The following AGAP1 variants were observed in gnomAD, a reference collection of about 807,000 sequenced individuals.
AGAP1 encodes arf-GAP with GTPase, ANK repeat and PH domain-containing protein 1.
A neutral mutation model predicts 105.3 loss-of-function variants in AGAP1; 29 were observed. The ratio of observed to expected loss-of-function variants is 0.28; its 90% CI spans 0.21 to 0.38. The LOEUF is 0.38. Ranked by LOEUF, AGAP1 falls within the 10% of genes least tolerant of loss-of-function variation. AGAP1 has a pLI of 1.00. For synonymous variants in AGAP1, 509 were observed against 485.9 expected (o/e 1.05, Z -0.63); for missense variants, 998 against 1,165.1 (o/e 0.86, Z 2.09).
rs1476373232 is a variant in AGAP1 at position 235,556,176 on chromosome 2, C to G, written c.163+61327C>G. On this transcript the variant is annotated intron_variant, in intron 1 of 17. Transcript: ENST00000304032. The surrounding 1 kb of genome is among the most constrained non-coding windows in gnomAD (Gnocchi z 5.3). ...CCAGCCTGGTGGACCGTGGCCTGCA[C>G]ACCTGCAGCAGCTCCTCAGAGCTGC... 6.6e-6 allele frequency among the ~76,000 whole-genome samples: 1 copy of G among 152,014 alleles called. No homozygotes were observed. Among genetic ancestry groups the G allele is most frequent in the Non-Finnish European group, 1.5e-5 (1 of 67,956 alleles).
intron 11 of AGAP1, among the ~76,000 whole-genome samples, chr2:235,923,481 C>G (rs961479172): frequency 6.6e-6 from 1 of 152,106 alleles, no homozygotes; most frequent in Non-Finnish European, 1.5e-5. Flanking sequence ...AGGTAGCCAG[C>G]CCTCATGGAC....
At chr2:235,813,695 T>A (rs1003948189) in intron 9 of AGAP1, among the ~76,000 whole-genome samples, 2 of 152,220 alleles carry the variant, frequency 1.3e-5, no homozygotes, top group African/African-American at 4.8e-5. Flanking sequence ...TCGGTTTGGC[T>A]GTCCACAGGC....
chr2:236,048,224 A>G (rs776113353), intron 15 of AGAP1, among the ~76,000 whole-genome samples: 1 of 152,238 alleles, frequency 6.6e-6, no homozygotes, highest in Admixed American at 6.5e-5. Flanking sequence ...TCTAGCGTGA[A>G]GTCAACCCGG....
intron 13 of AGAP1, among the ~76,000 whole-genome samples, chr2:235,975,256 A>T (rs1038189408): frequency 2.6e-5 from 4 of 152,180 alleles, no homozygotes; most frequent in Admixed American, 1.3e-4. Flanking sequence ...TTACCTGAGG[A>T]CTTTTTTTTA....
intron 9 of AGAP1, among the ~76,000 whole-genome samples, chr2:235,863,579 T>G (rs1166937540): frequency 6.6e-6 from 1 of 152,202 alleles, no homozygotes; most frequent in Admixed American, 6.5e-5. Context: ...TGATTTCAGC[T>G]GACCAGGGGA....
At chr2:235,999,620 A>G (rs111910562) in intron 13 of AGAP1, among the ~76,000 whole-genome samples, 379 of 122,850 alleles carry the variant, frequency 3.1e-3, no homozygotes, top group South Asian at 5.9e-3. Context: ...GGTGGTGATG[A>G]TGGTGGTAGT....
chr2:235,644,466 G>GC (rs1194833605), intron 1 of AGAP1, among the ~76,000 whole-genome samples: 1 of 152,068 alleles, frequency 6.6e-6, no homozygotes, highest in Non-Finnish European at 1.5e-5. Flanking sequence ...ACAGAGGATC[G>GC]CCCCCGTTTA....
intron 13 of AGAP1, among the ~76,000 whole-genome samples, chr2:236,028,282 A>T (rs1031600501): frequency 6.6e-6 from 1 of 152,066 alleles, no homozygotes; most frequent in Non-Finnish European, 1.5e-5. Flanking sequence ...ATTCTCCGGG[A>T]GAGGAGACCT....
intron 9 of AGAP1, among the ~76,000 whole-genome samples, chr2:235,870,291 T>A (rs1039230243): frequency 6.6e-6 from 1 of 152,186 alleles, no homozygotes; most frequent in Non-Finnish European, 1.5e-5. Context: ...GGACAAGTTA[T>A]CTCACACACC....
At position 235,655,120 on chromosome 2, in the gene AGAP1, A is replaced by G. The variant is rs1365333073; in HGVS notation, c.164-54059A>G. ...GTTAACAGAAACCTTTGTGCATTTGACACAAGGTCAGCATAGATTTAACAG... is the reference window on the plus strand; with the variant it reads ...GTTAACAGAAACCTTTGTGCATTTGGCACAAGGTCAGCATAGATTTAACAG... On this transcript the variant is annotated intron_variant, in intron 1 of 17. Transcript: ENST00000304032. This position sits in a 1 kb window ranked among gnomAD's most constrained non-coding sequence, Gnocchi z 4.3. Among the ~76,000 whole-genome samples the G allele has an allele frequency of 1.3e-5, 2 of 150,316 alleles. No individual in the cohort carries two copies. Among genetic ancestry groups the G allele is most frequent in the African/African-American group, 4.9e-5 (2 of 40,720 alleles).
At chr2:235,853,312 T>C in intron 9 of AGAP1, 1 of 769,786 alleles carries the variant, frequency 1.3e-6, no homozygotes, top group Non-Finnish European at 1.6e-6. Context: ...GCAGGTTGAG[T>C]GAGGAATTGT....
chr2:236,045,234 C>A lies in AGAP1; in HGVS notation c.1892-3825C>A, dbSNP rs894675750. Among the ~76,000 whole-genome samples, 1 of 152,032 alleles carries A rather than the reference C, an allele frequency of 6.6e-6. No homozygotes were observed. Among genetic ancestry groups the A allele is most frequent in the East Asian group, 1.9e-4 (1 of 5,162 alleles). On this transcript the variant is annotated intron_variant, in intron 15 of 17. Coordinates refer to ENST00000304032, the MANE Select transcript of AGAP1 (RefSeq NM_001037131.3). The surrounding 1 kb of genome is among the most constrained non-coding windows in gnomAD (Gnocchi z 6.9). ...CTGGGCCTAGTTTTTTTTATTTTTT[C>A]CTGCTTGGTCTGTCCTCATAGAATC...
At chr2:235,950,887 CTTTTTTTTTTTTTTTTT>C (rs200110792) in intron 12 of AGAP1, among the ~76,000 whole-genome samples, 76,893 of 120,572 alleles carry the variant, frequency 0.64, 21,975 homozygotes, top group South Asian at 0.82. Context: ...TCTCCAAGCA[CTTTTTTTTTTTTTTTTT>C]TTTTTTTTTT....
chr2:235,965,604 A>T lies in AGAP1; in HGVS notation c.1484-2858A>T, dbSNP rs560488869. ...ACCTTCCCCTGTGCCTTGGTTTTCT[A>T]ATCTGTAAAGTGGAGGTGGTAGGGA... is the stretch of plus-strand genomic sequence containing the variant. On this transcript the variant is annotated intron_variant, in intron 12 of 17. Coordinates refer to ENST00000304032, the MANE Select transcript of AGAP1 (RefSeq NM_001037131.3). The surrounding 1 kb of genome is among the most constrained non-coding windows in gnomAD (Gnocchi z 5.8). Among the ~76,000 whole-genome samples, 1 of 152,178 alleles carries T rather than the reference A, an allele frequency of 6.6e-6. No homozygotes were observed. The highest frequency in any genetic ancestry group is 1.5e-5 in the Non-Finnish European group (1 of 68,022).
At chr2:235,745,684 A>T (rs1372832047) in intron 5 of AGAP1, among the ~76,000 whole-genome samples, 1 of 152,248 alleles carries the variant, frequency 6.6e-6, no homozygotes, top group Admixed American at 6.5e-5. Context: ...TGACATGCCC[A>T]TCCATGCTCT....
In AGAP1 at chr2:235,517,889, T is replaced by TA. The variant is rs1942454423; in HGVS notation, c.163+23040_163+23041insA. On this transcript the variant is annotated intron_variant, in intron 1 of 17. Coordinates refer to ENST00000304032, the MANE Select transcript of AGAP1 (RefSeq NM_001037131.3). This position sits in a 1 kb window ranked among gnomAD's most constrained non-coding sequence, Gnocchi z 4.1. ...GAAGTGTTGGAGTGAGCCAAGATTG[T>TA]GCCTCTGCACTCCAGCCTGGGTGAC... 6.8e-6 allele frequency among the ~76,000 whole-genome samples: 1 copy of TA among 148,002 alleles called. No individual in the cohort carries two copies. The highest frequency in any genetic ancestry group is 1.5e-5 in the Non-Finnish European group (1 of 67,556).
intron 6 of AGAP1, among the ~76,000 whole-genome samples, chr2:235,765,548 C>T (rs1266121127): frequency 1.3e-5 from 2 of 152,144 alleles, no homozygotes; most frequent in Admixed American, 1.3e-4. Context: ...GTCCTGGTGC[C>T]GTGAGCACAG....
intron 9 of AGAP1, among the ~76,000 whole-genome samples, chr2:235,822,506 A>G (rs1427905765): frequency 6.6e-6 from 1 of 150,882 alleles, no homozygotes; most frequent in African/African-American, 2.4e-5. Flanking sequence ...GAATGAAGAG[A>G]AGCTGGAGCA....
In AGAP1 at chr2:235,614,207, G is replaced by T. The variant is rs1247132010; in HGVS notation, c.164-94972G>T. Among the ~76,000 whole-genome samples the T allele has an allele frequency of 6.6e-6, 1 of 152,158 alleles. No individual in the cohort carries two copies. Among genetic ancestry groups the T allele is most frequent in the African/African-American group, 2.4e-5 (1 of 41,422 alleles). ...GGGGTCCTTGGAGTCTAGAAGGGAT[G>T]GTGACATTGGCCAGAGTCACCCCAT... On this transcript the variant is annotated intron_variant, in intron 1 of 17. Transcript: ENST00000304032. The surrounding 1 kb of genome is among the most constrained non-coding windows in gnomAD (Gnocchi z 4.7).
Sources: allele counts gnomAD v4.1 joint callset (sites outside exome capture counted in the v4.1 genomes callset), GRCh38; gene constraint gnomAD v4.1.1; non-coding constraint Gnocchi (gnomAD v3.1); transcripts MANE v1.5; gene names NCBI Gene and HGNC (gene_info 2026-07-23, HGNC 2026-07-21).